Variants in PCDHA9 observed in about 807,000 individuals in gnomAD.
PCDHA9 encodes protocadherin alpha 9, also known as protocadherin alpha-9.
In PCDHA9, 62 loss-of-function variants were observed where a neutral mutation model predicts 62.0. The observed-to-expected ratio is 1.00, with a 90% CI of 0.81 to 1.23. The LOEUF (loss-of-function observed/expected upper bound fraction) is 1.23. Ranked by LOEUF, PCDHA9 falls within the 50% of genes most tolerant of loss-of-function variation. The pLI is 0.00. For missense variants in PCDHA9, 1,205 were observed against 1,249.8 expected (o/e 0.96, Z 0.54); for synonymous variants, 557 against 567.6 (o/e 0.98, Z 0.27).
intron 3 of PCDHA9, among the ~76,000 whole-genome samples, chr5:140,988,083 G>A (rs957131929): frequency 1.3e-5 from 2 of 152,292 alleles, no homozygotes; most frequent in Middle Eastern, 3.4e-3. Context: ...TCATGAGTGA[G>A]TGCAGCCTCG....
At chr5:140,929,038 C>T in intron 1 of PCDHA9, 2 of 1,614,158 alleles carry the variant, frequency 1.2e-6, no homozygotes, top group South Asian at 1.1e-5. Context: ...CTGTTGCGCT[C>T]AGAGCTGCTG....
In PCDHA9 at chr5:140,882,314, C is replaced by G. The variant is rs370330527; in HGVS notation, c.2394+31425C>G. 9 of 1,614,000 alleles carry G rather than the reference C, an allele frequency of 5.6e-6. No individual in the cohort carries two copies. The Admixed American group carries it at 6.7e-5, about 12-fold the overall frequency. On this transcript the variant is annotated intron_variant, in intron 1 of 3. Transcript: ENST00000532602. ...AGGCCCAAGACCGCGGCAACTACTGCTCTGGCTTCTGATCCTCGCAGCCTG... is the reference window on the plus strand; with the variant it reads ...AGGCCCAAGACCGCGGCAACTACTGGTCTGGCTTCTGATCCTCGCAGCCTG...
intron 1 of PCDHA9, among the ~76,000 whole-genome samples, chr5:140,921,749 A>G (rs1366376226): frequency 6.6e-6 from 1 of 152,196 alleles, no homozygotes; most frequent in Non-Finnish European, 1.5e-5. Context: ...GCATAACAGG[A>G]CACTTCTTGG....
chr5:140,850,880 A>T lies in PCDHA9; in HGVS notation c.2385A>T (p.Ser795=), dbSNP rs2150501340. The change falls in exon 1 of 4, where the codon TCA becomes TCT. Residue 795 remains serine, a synonymous_variant. Transcript: ENST00000532602. The part of the protein sequence containing the change: ...RTGEPSASSD[S]TGKPRQPNPD... ...GAGAACCCTCTGCTTCCTCAGATTC[A>T]ACTGGGAAGGTGGGTTTTTCTAGCA... 6.3e-7 allele frequency: 1 copy of T among 1,586,802 alleles called. No homozygotes were observed. Among genetic ancestry groups the T allele is most frequent in the African/African-American group, 1.4e-5 (1 of 74,064 alleles).
intron 1 of PCDHA9, chr5:140,869,272 G>A: frequency 6.2e-7 from 1 of 1,613,572 alleles, no homozygotes; most frequent in Non-Finnish European, 8.5e-7. Flanking sequence ...GCTGGAGCTG[G>A]CGGAGCTGGT....
chr5:140,960,597 C>T (rs1315375637), intron 1 of PCDHA9, among the ~76,000 whole-genome samples: 1 of 152,092 alleles, frequency 6.6e-6, no homozygotes, highest in South Asian at 2.1e-4. Context: ...ATTCAAGGTA[C>T]TTCAACAATA....
intron 1 of PCDHA9, chr5:140,853,623 A>G: frequency 1.0e-6 from 1 of 988,442 alleles, no homozygotes; most frequent in Non-Finnish European, 1.2e-6. Context: ...AAATAAGTAT[A>G]CAAGATCACA....
At chr5:140,903,470 C>T (rs1425928113) in intron 1 of PCDHA9, among the ~76,000 whole-genome samples, 2 of 152,140 alleles carry the variant, frequency 1.3e-5, no homozygotes, top group Non-Finnish European at 2.9e-5. Context: ...AATATTATTC[C>T]TTGCATTATA....
At chr5:140,983,585 A>G (rs561693645) in intron 3 of PCDHA9, among the ~76,000 whole-genome samples, 18 of 152,338 alleles carry the variant, frequency 1.2e-4, no homozygotes, top group Non-Finnish European at 2.1e-4. Flanking sequence ...TATTACATCT[A>G]TTCTACATAT....
intron 1 of PCDHA9, 52 bp from the exon 2 acceptor site, chr5:140,978,897 G>T: frequency 6.2e-7 from 1 of 1,612,776 alleles, no homozygotes; most frequent in Non-Finnish European, 8.5e-7. Context: ...AGCATTCCTG[G>T]GAGAACATTG....
Position 140,887,400 on chromosome 5 carries a change from A to G in PCDHA9, c.2394+36511A>G, listed in dbSNP as rs563892577. Among the ~76,000 whole-genome samples, 411 of 152,184 alleles carry G rather than the reference A, an allele frequency of 2.7e-3. 1 individual carries two copies. The highest frequency in any genetic ancestry group is 4.5e-3 in the Non-Finnish European group (305 of 68,000). On this transcript the variant is annotated intron_variant, in intron 1 of 3. Transcript: ENST00000532602. ...TGTGAGCCACCGCGCCCGGCTCTTT[A>G]TCTCATTTTTATTTTTGAAAAAGTA...
At position 140,862,652 on chromosome 5, in the gene PCDHA9, G is replaced by A. The variant is rs904797822; in HGVS notation, c.2394+11763G>A. ...TGCCACGACTTCACAGTGTCCGCGC[G>A]GGACCGGGACGCGCAGGAGAACGTG... is the stretch of plus-strand genomic sequence containing the variant. On this transcript the variant is annotated intron_variant, in intron 1 of 3. Coordinates refer to ENST00000532602, the MANE Select transcript of PCDHA9 (RefSeq NM_031857.2). The A allele has an allele frequency of 1.4e-4, 76 of 544,114 alleles. 1 individual carries two copies. The highest frequency in any genetic ancestry group is 3.8e-5 in the African/African-American group (2 of 52,208). 33.7% of individuals were successfully genotyped at this position (544,114 alleles called of 1,614,324 possible). A position where few individuals can be genotyped will look rare whatever the true frequency, so the allele number is the denominator to read the frequency against.
rs781837708 is a variant in PCDHA9, at chr5:140,875,917, GAC to G, written c.2394+25029_2394+25030del. On this transcript the variant is annotated intron_variant, in intron 1 of 3. Coordinates refer to ENST00000532602, the MANE Select transcript of PCDHA9 (RefSeq NM_031857.2). Reference sequence around the variant, plus strand: ...ACCTGTTTCTGAATCTGCGCCTCTGGACTCTCATTTTCCTCTAGAGGGCGCTT... The same window carrying G: ...ACCTGTTTCTGAATCTGCGCCTCTGGTCTCATTTTCCTCTAGAGGGCGCTT... 20 of 1,614,146 alleles carry G rather than the reference GAC, an allele frequency of 1.2e-5. 1 individual carries two copies. In the South Asian group the frequency reaches 2.1e-4, roughly 17 times the overall value.
At chr5:140,993,777 G>A (rs1397168086) in intron 3 of PCDHA9, among the ~76,000 whole-genome samples, 1 of 152,042 alleles carries the variant, frequency 6.6e-6, no homozygotes, top group Non-Finnish European at 1.5e-5. Flanking sequence ...GCAGTATTTT[G>A]TACAGTAACA....
At chr5:140,862,541 G>A (rs749747760) in intron 1 of PCDHA9, 2 of 445,208 alleles carry the variant, frequency 4.5e-6, no homozygotes, top group Non-Finnish European at 9.1e-6. Context: ...CGGGTCCGTG[G>A]AAGTGGCCGA....
rs1554146062 is a variant in PCDHA9, at chr5:140,852,704, C to G, written c.2394+1815C>G. The G allele has an allele frequency of 8.2e-6, 8 of 978,408 alleles. 1 individual carries two copies. The highest frequency in any genetic ancestry group is 7.4e-6 in the Non-Finnish European group (6 of 811,580). The allele number at this position is 978,408 out of a possible 1,614,324, so 60.6% of individuals were successfully genotyped here. ...AATATAGTCTTATACTTTCAAGTAT[C>G]TTTGTCTTTGCACGTTTTTCAAGTT... On this transcript the variant is annotated intron_variant, in intron 1 of 3. Transcript: ENST00000532602.
chr5:140,850,964 C>A, intron 1 of PCDHA9, 75 bp downstream of exon 1: 1 of 1,468,876 alleles, frequency 6.8e-7, no homozygotes, highest in South Asian at 1.4e-5. Context: ...TCCCAGGGGC[C>A]GTTCAAATAG....
chr5:140,967,793 G>A (rs1447753881), intron 1 of PCDHA9: 24 of 1,614,080 alleles, frequency 1.5e-5, no homozygotes, highest in Non-Finnish European at 1.9e-5. Flanking sequence ...CCGGGGTCCA[G>A]TGCCCATGGC....
At chr5:140,860,700 G>C (rs573827394) in intron 1 of PCDHA9, 1 of 152,300 alleles carries the variant, frequency 6.6e-6, no homozygotes, top group South Asian at 2.1e-4. Flanking sequence ...ACAGGATATT[G>C]TTGTTCTCCA....
Sources: gnomAD v4.1 joint callset for allele counts (sites outside exome capture counted in the v4.1 genomes callset) on GRCh38, gnomAD v4.1.1 for gene constraint, MANE v1.5 for transcripts, NCBI Gene and HGNC (gene_info 2026-07-23, HGNC 2026-07-21) for gene names.